PKHD1: variants seen among roughly 807,000 people sequenced by gnomAD.
The protein encoded by PKHD1 is fibrocystin.
A neutral mutation model predicts 412.0 loss-of-function variants in PKHD1; 291 were observed. The observed-to-expected ratio is 0.71, with a 90% CI of 0.64 to 0.78. The LOEUF is 0.78. Among genes scored for constraint, PKHD1 ranks in the 30% least tolerant of loss-of-function variants. The probability of loss-of-function intolerance (pLI) is 0.00; values close to 1 mark genes in which losing one functional copy is unlikely to be tolerated. For synonymous variants in PKHD1, 1,777 were observed against 1,821.5 expected (o/e 0.98, Z 0.62); for missense variants, 4,825 against 4,950.7 (o/e 0.97, Z 0.76).
chr6:51,973,052 C>T (rs1183605711), intron 35 of PKHD1, among the ~76,000 whole-genome samples: 1 of 152,014 alleles, frequency 6.6e-6, no homozygotes, highest in Non-Finnish European at 1.5e-5. Flanking sequence ...TGGGAAGAAG[C>T]AGAAAGCAAG....
intron 45 of PKHD1, among the ~76,000 whole-genome samples, chr6:51,884,846 TAG>T (rs1212348314): frequency 1.0e-5 from 1 of 95,996 alleles, no homozygotes; most frequent in African/African-American, 3.7e-5. Context: ...ATGTTTCCAC[TAG>T]ATTTGTTACC....
At chr6:51,727,010 T>C (rs1416764249) in intron 60 of PKHD1, among the ~76,000 whole-genome samples, 1 of 151,936 alleles carries the variant, frequency 6.6e-6, no homozygotes, top group Non-Finnish European at 1.5e-5. Flanking sequence ...GCGGGAGAGA[T>C]TCAAAGCATG....
chr6:51,782,512 A>C (rs1223250485), intron 53 of PKHD1, among the ~76,000 whole-genome samples: 6 of 152,152 alleles, frequency 3.9e-5, no homozygotes, highest in Non-Finnish European at 8.8e-5. Context: ...CAAATGGTTA[A>C]ATGGTTAAAT....
intron 10 of PKHD1, among the ~76,000 whole-genome samples, chr6:52,069,935 C>G (rs4715275): frequency 6.6e-6 from 1 of 151,922 alleles, no homozygotes; most frequent in Non-Finnish European, 1.5e-5. Flanking sequence ...TTAGACCCTA[C>G]GCTTTTAACA....
intron 35 of PKHD1, among the ~76,000 whole-genome samples, chr6:51,991,649 T>G (rs1326766276): frequency 6.6e-6 from 1 of 152,218 alleles, no homozygotes; most frequent in African/African-American, 2.4e-5. Flanking sequence ...ATAGGCTAAT[T>G]GTGATGTATT....
intron 35 of PKHD1, among the ~76,000 whole-genome samples, chr6:51,979,684 G>A (rs1794900524): frequency 6.6e-6 from 1 of 152,006 alleles, no homozygotes; most frequent in Non-Finnish European, 1.5e-5. Context: ...AGAGAACAAA[G>A]TCCAAATTCA....
chr6:52,028,272 G>A lies in PKHD1; in HGVS notation c.3444C>T (p.Ala1148=), dbSNP rs768475335. The A allele has an allele frequency of 8.7e-6, 14 of 1,614,030 alleles. No homozygotes were observed. Among genetic ancestry groups the A allele is most frequent in the Non-Finnish European group, 1.0e-5 (12 of 1,180,026 alleles). Residue 1148 remains alanine (A), a synonymous_variant, in exon 30 of 67, where the codon GCC becomes GCT. Transcript: ENST00000371117. ...CCGACTGTGTGTGAACCGGAGCCAAGGCATCCTGGACGTGGACTTCCACAT... is the reference window on the plus strand; with the variant it reads ...CCGACTGTGTGTGAACCGGAGCCAAAGCATCCTGGACGTGGACTTCCACAT... ...DLDVEVHVQD[A]LAPVHTQSAW...
chr6:51,722,164 T>G (rs948284196), intron 60 of PKHD1: 1 of 1,385,502 alleles, frequency 7.2e-7, no homozygotes, highest in African/African-American at 1.4e-5. Flanking sequence ...TCTTTACTCA[T>G]GCCCGCCCTC....
At chr6:51,731,636 A>G (rs1266609652) in intron 60 of PKHD1, among the ~76,000 whole-genome samples, 2 of 152,302 alleles carry the variant, frequency 1.3e-5, no homozygotes, top group East Asian at 3.9e-4. Context: ...AACCCAGGCT[A>G]CATCTGATGA....
At chr6:51,950,210 G>GAAAAAAAAA (rs574963733) in intron 36 of PKHD1, among the ~76,000 whole-genome samples, 17 of 113,116 alleles carry the variant, frequency 1.5e-4, no homozygotes, top group Admixed American at 4.0e-4. Context: ...GCAATATAGA[G>GAAAAAAAAA]AAAAAAAAAA....
At chr6:51,836,310 CT>C in intron 51 of PKHD1, 93 bp downstream of exon 51, 1 of 847,984 alleles carries the variant, frequency 1.2e-6, no homozygotes, top group Non-Finnish European at 2.1e-6. Flanking sequence ...TGATACCTGC[CT>C]GTTTATTAAC....
intron 43 of PKHD1, among the ~76,000 whole-genome samples, chr6:51,899,994 A>G (rs2127604594): frequency 6.6e-6 from 1 of 152,144 alleles, no homozygotes; most frequent in African/African-American, 2.4e-5. Flanking sequence ...AGAACTACAA[A>G]CCACTGCTCA....
chr6:51,644,012 T>C (rs1264086182), intron 63 of PKHD1, among the ~76,000 whole-genome samples: 1 of 152,180 alleles, frequency 6.6e-6, no homozygotes, highest in Non-Finnish European at 1.5e-5. Context: ...GGAAAATTTA[T>C]TGTTCTAATA....
intron 61 of PKHD1, among the ~76,000 whole-genome samples, chr6:51,649,589 A>G (rs1770614232): frequency 6.6e-6 from 1 of 152,208 alleles, no homozygotes; most frequent in African/African-American, 2.4e-5. Flanking sequence ...GACACGTCCA[A>G]TAGTAAGCTA....
rs762702777 is a variant in PKHD1 at position 52,024,955 on chromosome 6, C to A, written c.4855G>T (p.Gly1619Cys). Residue 1619 changes from glycine (G) to cysteine (C), a missense_variant, in exon 32 of 67, where the codon GGT becomes TGT. Coordinates refer to ENST00000371117, the MANE Select transcript of PKHD1 (RefSeq NM_138694.4). The stretch of plus-strand genomic sequence containing the variant: ...ACAATGCACCGGATGAGCTCAGCAC[C>A]GATGTTCACCGTCAGGCAGGTCTGC... ...DQQTCLTVNI[G>C]AELIRCIVPT... 36 of 1,614,064 alleles carry A rather than the reference C, an allele frequency of 2.2e-5. No individual in the cohort carries two copies. Among genetic ancestry groups the A allele is most frequent in the Non-Finnish European group, 3.1e-5 (36 of 1,180,040 alleles).
At chr6:51,666,701 C>G (rs867566920) in intron 60 of PKHD1, among the ~76,000 whole-genome samples, 4 of 123,008 alleles carry the variant, frequency 3.3e-5, no homozygotes, top group Non-Finnish European at 6.6e-5. Flanking sequence ...CCCCTCCCCC[C>G]ACCCCACAAC....
In PKHD1 at chr6:51,868,918, T is replaced by G. The variant is rs76833410; in HGVS notation, c.7487-809A>C. Among the ~76,000 whole-genome samples, 923 of 151,992 alleles carry G rather than the reference T, an allele frequency of 6.1e-3. 7 individuals are homozygous for G. The highest frequency in any genetic ancestry group is 0.02 in the African/African-American group (812 of 41,484). On this transcript the variant is annotated intron_variant, in intron 47 of 66. Coordinates refer to ENST00000371117, the MANE Select transcript of PKHD1 (RefSeq NM_138694.4). ...GAAAGTATGGCAGTGATCTTCTAATTCACACACCCATGTCATTAAAGGAAG... is the reference window on the plus strand; with the variant it reads ...GAAAGTATGGCAGTGATCTTCTAATGCACACACCCATGTCATTAAAGGAAG...
chr6:51,651,433 T>G (rs1411094910), intron 61 of PKHD1, among the ~76,000 whole-genome samples: 1 of 152,142 alleles, frequency 6.6e-6, no homozygotes, highest in African/African-American at 2.4e-5. Context: ...GCCATCGAAG[T>G]GAAATTGTTT....
chr6:52,065,184 G>GAGAC lies in PKHD1; in HGVS notation c.881-135_881-134insGTCT, dbSNP rs147117643. 740 of 119,128 alleles carry GAGAC rather than the reference G, an allele frequency of 6.2e-3. 8 individuals carry two copies. The highest frequency in any genetic ancestry group is 0.021 in the African/African-American group (442 of 21,300). The allele number at this position is 119,128 out of a possible 1,614,324, so 7.4% of individuals were successfully genotyped here. A position where few individuals can be genotyped will look rare whatever the true frequency, so the allele number is the denominator to read the frequency against. On this transcript the variant is annotated intron_variant, in intron 12 of 66. Coordinates refer to ENST00000371117, the MANE Select transcript of PKHD1 (RefSeq NM_138694.4). The stretch of plus-strand genomic sequence containing the variant: ...ATATATATATAGAGAGAGAGAGAGA[G>GAGAC]AGAGAGAGAGAGACAGAGAGAGAGA...
Sources: allele counts gnomAD v4.1 joint callset (sites outside exome capture counted in the v4.1 genomes callset), GRCh38; gene constraint gnomAD v4.1.1; transcripts MANE v1.5; gene names NCBI Gene and HGNC (gene_info 2026-07-23, HGNC 2026-07-21).